The following LY75 variants were observed in gnomAD, a reference collection of about 807,000 sequenced individuals.
The protein encoded by LY75 is C-type lectin domain family 13 member B.
A neutral mutation model predicts 231.7 loss-of-function variants in LY75; 185 were observed. The ratio of observed to expected loss-of-function variants is 0.80; its 90% CI spans 0.71 to 0.90. The LOEUF (loss-of-function observed/expected upper bound fraction) is 0.90, where lower values mean the gene tolerates loss of function less well. Ranked by LOEUF, LY75 falls within the 40% of genes least tolerant of loss-of-function variation. LY75 has a pLI of 0.00. For missense variants in LY75, 1,947 were observed against 2,050.2 expected (o/e 0.95, Z 0.97); for synonymous variants, 668 against 689.0 (o/e 0.97, Z 0.48).
In LY75 at chr2:159,810,595, C is replaced by A. The variant is rs754464803; in HGVS notation, c.4630G>T (p.Gly1544Cys). The A allele has an allele frequency of 6.2e-7, 1 of 1,614,030 alleles. No individual in the cohort carries two copies. The highest frequency in any genetic ancestry group is 1.1e-5 in the South Asian group (1 of 91,068). The change falls in exon 32 of 35, where the codon GGT (glycine) becomes TGT (cysteine). Residue 1544 changes from glycine (G) to cysteine (C), a missense_variant. Gly to Cys is a radical substitution (Grantham distance 159, BLOSUM62 -3). Coordinates refer to ENST00000263636, the MANE Select transcript of LY75 (RefSeq NM_002349.4). ...ENGSRWIQYKGHCYKSDQALH... is the reference protein window; with the variant it reads ...ENGSRWIQYKCHCYKSDQALH... ...GCCTGATCAGACTTGTAACAGTGAC[C>A]CTTGTACTGGATCCACCGTGACCCA... is the stretch of plus-strand genomic sequence containing the variant.
At position 159,842,286 on chromosome 2, in the gene LY75, C is replaced by T. The variant is rs574473478; in HGVS notation, c.3239G>A (p.Cys1080Tyr). 3.0e-5 allele frequency: 49 copies of T among 1,612,432 alleles called. No homozygotes were observed. The highest frequency in any genetic ancestry group is 4.1e-5 in the Non-Finnish European group (48 of 1,179,010). The change falls in exon 24 of 35, where the codon TGC becomes TAC. Residue 1080 changes from cysteine to tyrosine, a missense_variant. By Grantham distance (194) the Cys-to-Tyr change is radical. Coordinates refer to ENST00000263636, the MANE Select transcript of LY75 (RefSeq NM_002349.4). ...PFTGTWNFTS[C>Y]SERHFVSLCQ... is the part of the protein sequence containing the mutation. ...GAGAGACACAAAGTGGCGTTCACTG[C>T]AGGATGTAAAATTCCACGTCCCAGT...
intron 3 of LY75, among the ~76,000 whole-genome samples, chr2:159,892,433 G>T (rs1685786844): frequency 1.3e-5 from 2 of 152,258 alleles, no homozygotes; most frequent in African/African-American, 2.4e-5. Flanking sequence ...TATCTCCCTT[G>T]TGCCTCACTG....
At chr2:159,891,524 G>C (rs747068174) in intron 3 of LY75, among the ~76,000 whole-genome samples, 78 of 152,082 alleles carry the variant, frequency 5.1e-4, no homozygotes, top group Non-Finnish European at 8.7e-4. Context: ...TATACAACAT[G>C]ACCTCCATGA....
intron 1 of LY75, among the ~76,000 whole-genome samples, chr2:159,900,128 AAAG>A (rs1317097501): frequency 6.6e-6 from 1 of 152,216 alleles, no homozygotes; most frequent in Non-Finnish European, 1.5e-5. Context: ...TCCAATGACT[AAAG>A]AAGAATCCTC....
intron 11 of LY75, among the ~76,000 whole-genome samples, chr2:159,877,425 A>G (rs1011550039): frequency 2.6e-5 from 4 of 152,230 alleles, no homozygotes; most frequent in Non-Finnish European, 5.9e-5. Flanking sequence ...CAATAACCAG[A>G]TGATCTTTGT....
In LY75 at chr2:159,898,810, A is replaced by G. The variant is rs767948678; in HGVS notation, c.344T>C (p.Leu115Pro). 1 of 1,614,198 alleles carries G rather than the reference A, an allele frequency of 6.2e-7. No homozygotes were observed. Among genetic ancestry groups the G allele is most frequent in the Admixed American group, 1.7e-5 (1 of 60,028 alleles). The change falls in exon 2 of 35, where the codon CTG becomes CCG. Residue 115 changes from leucine (L) to proline (P), a missense_variant. Coordinates refer to ENST00000263636, the MANE Select transcript of LY75 (RefSeq NM_002349.4). The part of the protein sequence containing the change: ...MLWWKCEHHS[L>P]YGAARYRLAL... ...CAGCCGGTACCGGGCAGCTCCGTAC[A>G]GAGAGTGGTGCTCACATTTCCACCA... is the stretch of plus-strand genomic sequence containing the variant.
intron 28 of LY75, among the ~76,000 whole-genome samples, chr2:159,823,166 G>A (rs1328996671): frequency 6.6e-6 from 1 of 152,094 alleles, no homozygotes; most frequent in African/African-American, 2.4e-5. Flanking sequence ...AAAGGAGCAT[G>A]TTCTAACCCA....
intron 5 of LY75, among the ~76,000 whole-genome samples, chr2:159,885,584 G>A (rs3828327): frequency 0.39 from 58,615 of 152,002 alleles, 14,312 homozygotes; most frequent in Non-Finnish European, 0.54. Flanking sequence ...TCTATGCTTA[G>A]TAGCTCTTAA....
chr2:159,877,682 C>T (rs1685317646), intron 11 of LY75, among the ~76,000 whole-genome samples: 1 of 152,014 alleles, frequency 6.6e-6, no homozygotes, highest in South Asian at 2.1e-4. Context: ...CCAGCCTGGC[C>T]AACATGTTAA....
intron 13 of LY75, among the ~76,000 whole-genome samples, chr2:159,865,283 C>T (rs1684826557): frequency 6.6e-6 from 1 of 152,114 alleles, no homozygotes; most frequent in Admixed American, 6.6e-5. Context: ...ATAACACTAT[C>T]AAATATTCTT....
At chr2:159,840,398 C>A (rs769164365) in intron 25 of LY75, among the ~76,000 whole-genome samples, 33 of 152,156 alleles carry the variant, frequency 2.2e-4, no homozygotes, top group Non-Finnish European at 4.3e-4. Flanking sequence ...ATGGCAAAAC[C>A]TCATCTTTAC....
At chr2:159,814,267 G>A (rs1574521471) in intron 31 of LY75, among the ~76,000 whole-genome samples, 2 of 152,160 alleles carry the variant, frequency 1.3e-5, no homozygotes, top group South Asian at 4.1e-4. Context: ...AATGGAAGAG[G>A]CTCTTCCCTT....
At chr2:159,853,758 C>T (rs1414028028) in intron 18 of LY75, 61 bp from the exon 19 acceptor site, 14 of 1,604,112 alleles carry the variant, frequency 8.7e-6, no homozygotes, top group Admixed American at 1.7e-5. Context: ...GGTTTTGATT[C>T]GAATACATTG....
chr2:159,884,881 G>A (rs1201960211), intron 6 of LY75, among the ~76,000 whole-genome samples: 1 of 152,096 alleles, frequency 6.6e-6, no homozygotes, highest in Non-Finnish European at 1.5e-5. Flanking sequence ...AGCCACACAC[G>A]AACAGAAGTA....
At chr2:159,829,688 G>T (rs1683588037) in intron 28 of LY75, among the ~76,000 whole-genome samples, 1 of 152,098 alleles carries the variant, frequency 6.6e-6, no homozygotes, top group Non-Finnish European at 1.5e-5. Flanking sequence ...GTAACTTACA[G>T]ATGTAAATTA....
At chr2:159,890,565 G>A (rs1284134059) in intron 3 of LY75, among the ~76,000 whole-genome samples, 188 bp from the exon 4 acceptor site, 3 of 152,070 alleles carry the variant, frequency 2.0e-5, no homozygotes, top group African/African-American at 4.8e-5. Context: ...AAATGACTCA[G>A]GCTGGTTGAA....
intron 13 of LY75, among the ~76,000 whole-genome samples, chr2:159,866,216 A>G (rs1405432010): frequency 6.6e-6 from 1 of 152,198 alleles, no homozygotes; most frequent in East Asian, 1.9e-4. Flanking sequence ...CTACAGAGAA[A>G]TATAAGTGCA....
intron 13 of LY75, among the ~76,000 whole-genome samples, chr2:159,868,263 T>G (rs543770040): frequency 6.6e-5 from 10 of 152,282 alleles, no homozygotes; most frequent in Non-Finnish European, 1.0e-4. Flanking sequence ...TTCCTATAAG[T>G]GAAGGGATTA....
chr2:159,889,433 G>T (rs879519381), intron 4 of LY75, among the ~76,000 whole-genome samples: 32 of 151,326 alleles, frequency 2.1e-4, no homozygotes, highest in African/African-American at 6.3e-4. Context: ...GTCTCACTTT[G>T]CCCAGGCTGG....
Sources: allele counts gnomAD v4.1 joint callset (sites outside exome capture counted in the v4.1 genomes callset), GRCh38; gene constraint gnomAD v4.1.1; transcripts MANE v1.5; gene names NCBI Gene and HGNC (gene_info 2026-07-23, HGNC 2026-07-21).